TULP4: variants seen among roughly 807,000 people sequenced by gnomAD.
TULP4 encodes TUB like protein 4.
Under a neutral mutation model 129.0 loss-of-function variants are expected in TULP4, and 16 were observed. That is an observed-to-expected ratio of 0.12 (90% CI 0.08 to 0.19). The LOEUF (loss-of-function observed/expected upper bound fraction) is 0.19. Among genes scored for constraint, TULP4 ranks in the 10% least tolerant of loss-of-function variants. The pLI is 1.00. For synonymous variants in TULP4, 998 were observed against 854.0 expected, an observed-to-expected ratio of 1.17 and a Z score of -2.94; for missense variants, 1,842 against 2,059.1, an observed-to-expected ratio of 0.89 and a Z score of 2.04.
chr6:158,429,873 C>T lies in TULP4; in HGVS notation c.519C>T (p.Gly173=), dbSNP rs1360660154. 3 of 1,613,776 alleles carry T rather than the reference C, an allele frequency of 1.9e-6. No homozygotes were observed. Among genetic ancestry groups the T allele is most frequent in the East Asian group, 2.2e-5 (1 of 44,868 alleles). The part of the protein sequence containing the change: ...EINLESQITC[G]IWTPDDQQVL... ...ACTTGGAAAGTCAAATTACGTGTGG[C>T]ATATGGACTCCTGACGACCAACAGG... The change falls in exon 3 of 14, where the codon GGC becomes GGT. Residue 173 remains glycine, a synonymous_variant. Coordinates refer to ENST00000367097, the MANE Select transcript of TULP4 (RefSeq NM_020245.5).
intron 1 of TULP4, among the ~76,000 whole-genome samples, chr6:158,293,901 C>T (rs1051470008): frequency 1.3e-5 from 2 of 152,166 alleles, no homozygotes; most frequent in Non-Finnish European, 2.9e-5. Context: ...AGCCACATAA[C>T]GAGTGGCTAC....
chr6:158,464,763 A>G (rs756764457), intron 6 of TULP4, among the ~76,000 whole-genome samples: 3 of 152,148 alleles, frequency 2.0e-5, no homozygotes, highest in Non-Finnish European at 2.9e-5. Context: ...TAAATGGTAA[A>G]TGTCTCCTTT....
chr6:158,489,517 A>G (rs1326730390), intron 8 of TULP4, 71 bp from the exon 9 acceptor site: 2 of 1,583,306 alleles, frequency 1.3e-6, no homozygotes, highest in African/African-American at 2.7e-5. Flanking sequence ...CTTTTAGTTT[A>G]TAGTAATGAT....
intron 3 of TULP4, among the ~76,000 whole-genome samples, chr6:158,441,261 C>T (rs796368589): frequency 2.0e-5 from 3 of 151,392 alleles, no homozygotes; most frequent in Non-Finnish European, 4.4e-5. Context: ...TACAGTGAGC[C>T]GAGATCACAC....
chr6:158,498,240 C>T (rs1474338567), intron 11 of TULP4, among the ~76,000 whole-genome samples: 1 of 152,238 alleles, frequency 6.6e-6, no homozygotes, highest in African/African-American at 2.4e-5. Flanking sequence ...CACACAGTTT[C>T]TTGGTTGCCC....
chr6:158,489,332 C>T (rs1283117134), intron 8 of TULP4, among the ~76,000 whole-genome samples: 1 of 152,210 alleles, frequency 6.6e-6, no homozygotes, highest in East Asian at 1.9e-4. Context: ...CAGCTTTTGG[C>T]AAATGGTGTC....
chr6:158,476,464 G>A (rs1328495189), intron 6 of TULP4, among the ~76,000 whole-genome samples: 2 of 151,876 alleles, frequency 1.3e-5, no homozygotes, highest in African/African-American at 2.4e-5. Context: ...AATCTTTCGC[G>A]TCTTCTCACT....
chr6:158,462,885 G>A (rs938431043), intron 6 of TULP4, among the ~76,000 whole-genome samples: 1 of 151,772 alleles, frequency 6.6e-6, no homozygotes. Context: ...AAATAGCTGG[G>A]ATTACAGGTG....
intron 8 of TULP4, among the ~76,000 whole-genome samples, chr6:158,486,317 C>T (rs543415615): frequency 6.6e-6 from 1 of 152,248 alleles, no homozygotes; most frequent in East Asian, 1.9e-4. Flanking sequence ...GATCCCAGTG[C>T]TTTGGAAGGC....
At chr6:158,378,487 G>GTTTTTTT (rs1562541803) in intron 1 of TULP4, among the ~76,000 whole-genome samples, 9 of 31,456 alleles carry the variant, frequency 2.9e-4, no homozygotes, top group South Asian at 1.4e-3. Context: ...TTTTTTTTTG[G>GTTTTTTT]TGGGGGTGGG....
chr6:158,427,933 A>G (rs999326295), intron 2 of TULP4: 2 of 152,248 alleles, frequency 1.3e-5, no homozygotes, highest in African/African-American at 4.8e-5. Flanking sequence ...CAGCCTGGCC[A>G]ACATGGCAAA....
intron 5 of TULP4, among the ~76,000 whole-genome samples, chr6:158,459,430 CA>C (rs5881265): frequency 5.4e-4 from 78 of 144,726 alleles, no homozygotes; most frequent in Admixed American, 5.5e-4. Context: ...AACTCTGTCT[CA>C]AAAAAAAAAA....
intron 1 of TULP4, among the ~76,000 whole-genome samples, chr6:158,366,820 T>C (rs1442045630): frequency 6.6e-6 from 1 of 152,228 alleles, no homozygotes; most frequent in Non-Finnish European, 1.5e-5. Flanking sequence ...CTTCTTGGTC[T>C]TTACTAAATA....
At chr6:158,240,615 A>C (rs1419389607) in intron 1 of TULP4, among the ~76,000 whole-genome samples, 3 of 77,560 alleles carry the variant, frequency 3.9e-5, no homozygotes, top group African/African-American at 8.3e-5. Context: ...GGCGCCCCTC[A>C]CCTCCCAGAC....
chr6:158,285,840 A>G (rs1778826886), intron 1 of TULP4, among the ~76,000 whole-genome samples: 1 of 152,170 alleles, frequency 6.6e-6, no homozygotes, highest in African/African-American at 2.4e-5. Flanking sequence ...AGAACCAAGA[A>G]GGAATCACTT....
intron 1 of TULP4, among the ~76,000 whole-genome samples, chr6:158,240,226 C>G (rs1244087408): frequency 2.6e-5 from 2 of 77,356 alleles, no homozygotes; most frequent in African/African-American, 8.9e-5. Flanking sequence ...GGCTGACCCC[C>G]CCACCTCCCT....
At chr6:158,256,901 G>A (rs1203763307) in intron 1 of TULP4, among the ~76,000 whole-genome samples, 1 of 152,138 alleles carries the variant, frequency 6.6e-6, no homozygotes, top group East Asian at 1.9e-4. Flanking sequence ...GGGAGGGATT[G>A]GTGTTTCAGG....
intron 1 of TULP4, among the ~76,000 whole-genome samples, chr6:158,335,052 C>T (rs773175999): frequency 6.6e-6 from 1 of 151,882 alleles, no homozygotes; most frequent in Non-Finnish European, 1.5e-5. Context: ...TTGAGGCGGG[C>T]GGATCACAAG....
chr6:158,403,500 C>T (rs533882888), intron 1 of TULP4, among the ~76,000 whole-genome samples: 6 of 152,176 alleles, frequency 3.9e-5, no homozygotes, highest in South Asian at 2.1e-4. Flanking sequence ...CCCCTATGCC[C>T]GGCTAATTTT....
Sources: allele counts gnomAD v4.1 joint callset (sites outside exome capture counted in the v4.1 genomes callset), GRCh38; gene constraint gnomAD v4.1.1; transcripts MANE v1.5; gene names NCBI Gene and HGNC (gene_info 2026-07-23, HGNC 2026-07-21).